Variants in TMEM132A observed in about 807,000 individuals in gnomAD.
TMEM132A encodes the protein transmembrane protein 132A, also known as GRP78-binding protein.
Under a neutral mutation model 69.9 loss-of-function variants are expected in TMEM132A, and 48 were observed. The ratio of observed to expected loss-of-function variants is 0.69; its 90% CI spans 0.55 to 0.87. The LOEUF (loss-of-function observed/expected upper bound fraction) is 0.87, where lower values mean the gene tolerates loss of function less well. TMEM132A is among the 40% of genes least tolerant of loss of function. The pLI is 0.00. For synonymous variants in TMEM132A, 577 were observed against 613.7 expected, an observed-to-expected ratio of 0.94 and a Z score of 0.88; for missense variants, 1,287 against 1,407.2, an observed-to-expected ratio of 0.91 and a Z score of 1.37.
At position 60,931,843 on chromosome 11, in the gene TMEM132A, G is replaced by T; in HGVS notation, c.1171G>T (p.Val391Leu). The change falls in exon 6 of 11, where the codon GTG (valine) becomes TTG (leucine). Residue 391 changes from valine (V) to leucine (L), a missense_variant. Val to Leu is a conservative substitution (Grantham distance 32). Coordinates refer to ENST00000453848, the MANE Select transcript of TMEM132A (RefSeq NM_178031.3). ...GGACAAAATGGTGTGGGAAATCCTG[G>T]TGTCTGAGCGGGACATCAGAGCCCT... is the stretch of plus-strand genomic sequence containing the variant. ...EKDKMVWEIL[V>L]SERDIRALIP... 2 of 1,614,252 alleles carry T rather than the reference G, an allele frequency of 1.2e-6. No individual in the cohort carries two copies. Among genetic ancestry groups the T allele is most frequent in the South Asian group, 2.2e-5 (2 of 91,088 alleles).
At position 60,932,023 on chromosome 11, in the gene TMEM132A, C is replaced by T; in HGVS notation, c.1252C>T (p.Pro418Ser). 6.2e-7 allele frequency: 1 copy of T among 1,600,324 alleles called. No homozygotes were observed. Among genetic ancestry groups the T allele is most frequent in the Non-Finnish European group, 8.5e-7 (1 of 1,173,574 alleles). Residue 418 changes from proline to serine, a missense_variant, in exon 7 of 11, where the codon CCC (proline) becomes TCC (serine). By Grantham distance (74) the Pro-to-Ser change is moderately conservative. Coordinates refer to ENST00000453848, the MANE Select transcript of TMEM132A (RefSeq NM_178031.3). ...GAATACAGCACCACTGACTGGAGTGCCCCAGCATGTCCCCGTGCGCCTTGT... is the reference window on the plus strand; with the variant it reads ...GAATACAGCACCACTGACTGGAGTGTCCCAGCATGTCCCCGTGCGCCTTGT... Reference protein sequence around the residue: ...LVNTAPLTGVPQHVPVRLVTV... With the variant: ...LVNTAPLTGVSQHVPVRLVTV...
rs190624831 is a variant in TMEM132A at position 60,926,260 on chromosome 11, C to T, written c.101-944C>T. 1.4e-3 allele frequency among the ~76,000 whole-genome samples: 214 copies of T among 152,226 alleles called. 3 individuals carry two copies. The highest frequency in any genetic ancestry group is 4.8e-3 in the African/African-American group (200 of 41,526). ...AGAGAGAAGTGGCAGGTGGAGACGC[C>T]GGATGGTCTAGTGGCTAATACCTGG... On this transcript the variant is annotated intron_variant, in intron 1 of 10. Transcript: ENST00000453848.
intron 9 of TMEM132A, 69 bp downstream of exon 9, chr11:60,934,833 G>C: frequency 1.3e-6 from 2 of 1,484,434 alleles, no homozygotes; most frequent in African/African-American, 2.8e-5. Flanking sequence ...ATGTTCGTGG[G>C]TGGGAGTGAA....
intron 9 of TMEM132A, 35 bp downstream of exon 9, chr11:60,934,799 G>C: frequency 6.4e-7 from 1 of 1,556,388 alleles, no homozygotes; most frequent in Admixed American, 1.8e-5. Flanking sequence ...TAGACCCCCT[G>C]AGAAGGGTGG....
chr11:60,926,778 G>T (rs1009436570), intron 1 of TMEM132A: 2 of 243,740 alleles, frequency 8.2e-6, no homozygotes, highest in Non-Finnish European at 1.6e-5. Context: ...CCTGGCCAAG[G>T]ATTCAGGGCA....
At position 60,935,842 on chromosome 11, in the gene TMEM132A, C is replaced by T. The variant is rs1856581805; in HGVS notation, c.2029-22C>T. On this transcript the variant is annotated intron_variant, in intron 10 of 10. Coordinates refer to ENST00000453848, the MANE Select transcript of TMEM132A (RefSeq NM_178031.3). The surrounding 1 kb of genome is among the most constrained non-coding windows in gnomAD (Gnocchi z 5.0). Reference sequence around the variant, plus strand: ...GCGTGCGTGCCCTCGCATGTCTCTGCCTGTGTCTGTGTGCCCCACAGGAGG... The same window carrying T: ...GCGTGCGTGCCCTCGCATGTCTCTGTCTGTGTCTGTGTGCCCCACAGGAGG... The T allele has an allele frequency of 2.5e-6, 4 of 1,609,402 alleles. No homozygotes were observed. The highest frequency in any genetic ancestry group is 1.7e-5 in the Admixed American group (1 of 59,696).
chr11:60,930,600 C>CA lies in TMEM132A; in HGVS notation c.958dup (p.Arg320LysfsTer23). The CA allele has an allele frequency of 6.2e-7, 1 of 1,613,744 alleles. No individual in the cohort carries two copies. ...CCAAGCTGGACCGCTTCAAGGGCTC[C>CA]AGGCACCACACCACCCTCATCACCT... On this transcript the variant is annotated frameshift_variant, in exon 5 of 11. Transcript: ENST00000453848. LOFTEE classifies it high-confidence loss of function.
Position 60,936,079 on chromosome 11 carries a change from C to A in TMEM132A, c.2244C>A (p.Cys748Ter). 6.2e-7 allele frequency: 1 copy of A among 1,608,256 alleles called. No individual in the cohort carries two copies. The highest frequency in any genetic ancestry group is 8.5e-7 in the Non-Finnish European group (1 of 1,177,992). ...LHVALHPPEP[C>*]RRGRHRVPLA... ...TGGCTCTGCACCCGCCCGAGCCCTGCCGCCGGGGCCGCCACCGTGTGCCTC... is the reference window on the plus strand; with the variant it reads ...TGGCTCTGCACCCGCCCGAGCCCTGACGCCGGGGCCGCCACCGTGTGCCTC... Residue 748 changes from cysteine to a stop codon, truncating the protein, a stop_gained, in exon 11 of 11, where the codon TGC becomes TGA. Transcript: ENST00000453848. LOFTEE classifies it low-confidence loss of function (END_TRUNC).
Position 60,935,439 on chromosome 11 carries a change from A to G in TMEM132A, c.2024A>G (p.Lys675Arg). ...CWAQSALPAPKQEVALSLWLS... is the reference protein window; with the variant it reads ...CWAQSALPAPRQEVALSLWLS... ...GCACAGTCAGCCCTTCCCGCCCCAA[A>G]GCAGGTGACAGTTGGGGGGTCAGGG... is the stretch of plus-strand genomic sequence containing the variant. Residue 675 changes from lysine to arginine, a missense_variant, in exon 10 of 11, where the codon AAG becomes AGG. Lys to Arg is a conservative substitution (Grantham distance 26). Transcript: ENST00000453848. This position sits in a 1 kb window ranked among gnomAD's most constrained non-coding sequence, Gnocchi z 5.0. 6.2e-7 allele frequency: 1 copy of G among 1,601,656 alleles called. No individual in the cohort carries two copies. Among genetic ancestry groups the G allele is most frequent in the Non-Finnish European group, 8.5e-7 (1 of 1,174,586 alleles).
chr11:60,928,691 C>T lies in TMEM132A; in HGVS notation c.597C>T (p.Ser199=), dbSNP rs757144174. 10 of 1,611,094 alleles carry T rather than the reference C, an allele frequency of 6.2e-6. No homozygotes were observed. In the South Asian group the frequency reaches 7.7e-5, roughly 12 times the overall value. ...CCTCGCACTGGTTCTCACAGGCCTC[C>T]ACCACACGGGCCGAGCTGGCCTACA... ...ELPSHWFSQA[S]TTRAELAYTL... Residue 199 remains serine, a synonymous_variant, in exon 4 of 11, where the codon TCC becomes TCT. Coordinates refer to ENST00000453848, the MANE Select transcript of TMEM132A (RefSeq NM_178031.3).
At chr11:60,932,349 T>A in intron 7 of TMEM132A, 1 of 482,594 alleles carries the variant, frequency 2.1e-6, no homozygotes, top group Non-Finnish European at 3.5e-6. Context: ...ACTTTCACGC[T>A]CATTATTGCA....
rs374932377 is a variant in TMEM132A at position 60,927,264 on chromosome 11, A to T, written c.161A>T (p.Asp54Val). 4 of 1,613,088 alleles carry T rather than the reference A, an allele frequency of 2.5e-6. No homozygotes were observed. In the African/African-American group the frequency reaches 4.0e-5, roughly 16 times the overall value. The change falls in exon 2 of 11, where the codon GAC becomes GTC. Residue 54 changes from aspartate (D) to valine (V), a missense_variant. Coordinates refer to ENST00000453848, the MANE Select transcript of TMEM132A (RefSeq NM_178031.3). The part of the protein sequence containing the change: ...VYLPAALELL[D>V]APEHFRVQQV... ...CTGCCGGCAGCCCTGGAGCTCCTAGACGCCCCTGAACACTTCCGTGTGCAG... is the reference window on the plus strand; with the variant it reads ...CTGCCGGCAGCCCTGGAGCTCCTAGTCGCCCCTGAACACTTCCGTGTGCAG...
Position 60,927,402 on chromosome 11 carries a change from C to A in TMEM132A, c.299C>A (p.Pro100His), listed in dbSNP as rs1856370129. ...AQPLLRASYPPFATQQVVPPR... is the reference protein window; with the variant it reads ...AQPLLRASYPHFATQQVVPPR... The stretch of plus-strand genomic sequence containing the variant: ...CCACTTCTCCGGGCCTCCTACCCAC[C>A]TTTTGCCACTCAGCAGGTAAGGAGG... Residue 100 changes from proline (P) to histidine (H), a missense_variant, in exon 2 of 11, where the codon CCT becomes CAT. Physicochemically the swap from Pro to His is moderately conservative, Grantham distance 77 (BLOSUM62 -2). Coordinates refer to ENST00000453848, the MANE Select transcript of TMEM132A (RefSeq NM_178031.3). 1.9e-6 allele frequency: 3 copies of A among 1,612,722 alleles called. No individual in the cohort carries two copies. The highest frequency in any genetic ancestry group is 2.5e-6 in the Non-Finnish European group (3 of 1,179,472).
chr11:60,933,660 C>T lies in TMEM132A; in HGVS notation c.1475C>T (p.Ala492Val). ...LRASLRLTVW[A>V]PLLPLRIELT... The stretch of plus-strand genomic sequence containing the variant: ...GCCTCGCTGCGGCTGACCGTGTGGG[C>T]CCCCCTGCTACCGCTGCGTATCGAG... Residue 492 changes from alanine to valine, a missense_variant, in exon 8 of 11, where the codon GCC becomes GTC. Ala to Val is a moderately conservative substitution (Grantham distance 64). Transcript: ENST00000453848. 1 of 1,605,450 alleles carries T rather than the reference C, an allele frequency of 6.2e-7. No individual in the cohort carries two copies. Among genetic ancestry groups the T allele is most frequent in the South Asian group, 1.1e-5 (1 of 90,560 alleles).
At position 60,933,788 on chromosome 11, in the gene TMEM132A, A is replaced by G. The variant is rs748447536; in HGVS notation, c.1559+44A>G. On this transcript the variant is annotated intron_variant, in intron 8 of 10. Coordinates refer to ENST00000453848, the MANE Select transcript of TMEM132A (RefSeq NM_178031.3). ...AAGCTGGCAGGCCTTGGCGAGTCAC[A>G]CTGGGACGGAGAGGGCGCAGGGGAC... 2.0e-6 allele frequency: 3 copies of G among 1,517,912 alleles called. 1 individual carries two copies. In the South Asian group the frequency reaches 3.7e-5, roughly 19 times the overall value. The allele number at this position is 1,517,912 out of a possible 1,614,324, so 94.0% of individuals were successfully genotyped here. A position where few individuals can be genotyped will look rare whatever the true frequency, so the allele number is the denominator to read the frequency against.
chr11:60,933,532 C>G lies in TMEM132A; in HGVS notation c.1357-10C>G. Reference sequence around the variant, plus strand: ...CTTAGCCCGCCCACCTGCCCTCTGCCCTTCCATAGGTGTCTGAGGCCTGTG... The same window carrying G: ...CTTAGCCCGCCCACCTGCCCTCTGCGCTTCCATAGGTGTCTGAGGCCTGTG... On this transcript the variant is annotated splice_polypyrimidine_tract_variant and intron_variant, in intron 7 of 10. Coordinates refer to ENST00000453848, the MANE Select transcript of TMEM132A (RefSeq NM_178031.3). 1.9e-6 allele frequency: 3 copies of G among 1,602,910 alleles called. No individual in the cohort carries two copies. The highest frequency in any genetic ancestry group is 2.5e-6 in the Non-Finnish European group (3 of 1,176,586).
chr11:60,924,572 G>C lies in TMEM132A; in HGVS notation c.-62G>C. The stretch of plus-strand genomic sequence containing the variant: ...GGGACGGCGCGGAGCGGGTGCGGGA[G>C]ATGCCGTGCGGGACTGGGGCCACCT... On this transcript the variant is annotated 5_prime_UTR_variant, in exon 1 of 11. Coordinates refer to ENST00000453848, the MANE Select transcript of TMEM132A (RefSeq NM_178031.3). 7.3e-7 allele frequency: 1 copy of C among 1,376,298 alleles called. No individual in the cohort carries two copies. The highest frequency in any genetic ancestry group is 9.8e-7 in the Non-Finnish European group (1 of 1,018,948). 85.3% of individuals were successfully genotyped at this position (1,376,298 alleles called of 1,614,324 possible). A position where few individuals can be genotyped will look rare whatever the true frequency, so the allele number is the denominator to read the frequency against.
chr11:60,928,997 A>G, intron 4 of TMEM132A, 37 bp downstream of exon 4: 1 of 1,604,644 alleles, frequency 6.2e-7, no homozygotes. Flanking sequence ...GAGGGTGGGA[A>G]CCTCTGTGGG....
chr11:60,935,485 G>A lies in TMEM132A; in HGVS notation c.2028+42G>A. On this transcript the variant is annotated intron_variant, in intron 10 of 10. Transcript: ENST00000453848. This position sits in a 1 kb window ranked among gnomAD's most constrained non-coding sequence, Gnocchi z 5.0. ...CAGGGGGATGAGGTCAACATCTCCA[G>A]ATGGGGGCTCATGGTAGAGGGGAAT... The A allele has an allele frequency of 6.5e-7, 1 of 1,548,848 alleles. No individual in the cohort carries two copies. The highest frequency in any genetic ancestry group is 1.2e-5 in the South Asian group (1 of 84,002).
Sources: allele counts gnomAD v4.1 joint callset (sites outside exome capture counted in the v4.1 genomes callset), GRCh38; gene constraint gnomAD v4.1.1; non-coding constraint Gnocchi (gnomAD v3.1); transcripts MANE v1.5; gene names NCBI Gene and HGNC (gene_info 2026-07-23, HGNC 2026-07-21).